Variants in DEAF1 observed in about 807,000 individuals in gnomAD.
DEAF1 encodes the protein deformed epidermal autoregulatory factor 1 homolog.
In DEAF1, 53 loss-of-function variants were observed where a neutral mutation model predicts 58.9. The ratio of observed to expected loss-of-function variants is 0.90; its 90% CI spans 0.72 to 1.13. The LOEUF (loss-of-function observed/expected upper bound fraction) is 1.13, where lower values mean the gene tolerates loss of function less well. Ranked by LOEUF, DEAF1 falls within the 50% of genes most tolerant of loss-of-function variation. DEAF1 has a pLI of 0.00. For synonymous variants in DEAF1, 385 were observed against 340.4 expected (o/e 1.13, Z -1.44); for missense variants, 685 against 791.4 (o/e 0.87, Z 1.61).
At chr11:661,201 G>A (rs1021323789) in intron 10 of DEAF1, among the ~76,000 whole-genome samples, 11 of 152,146 alleles carry the variant, frequency 7.2e-5, no homozygotes, top group Non-Finnish European at 1.2e-4. Flanking sequence ...ACAACAAGCC[G>A]GGGCCAGGGC....
chr11:684,732 C>T (rs1009485744), intron 6 of DEAF1, among the ~76,000 whole-genome samples, 166 bp downstream of exon 6: 8 of 152,090 alleles, frequency 5.3e-5, no homozygotes, highest in Admixed American at 3.9e-4. Flanking sequence ...TTCACTGTGA[C>T]GTATCAGGGA....
intron 1 of DEAF1, among the ~76,000 whole-genome samples, chr11:692,623 C>T (rs1472781864): frequency 6.6e-6 from 1 of 152,160 alleles, no homozygotes; most frequent in Admixed American, 6.5e-5. Flanking sequence ...GATGCCAAGG[C>T]GGGCGGATCA....
intron 7 of DEAF1, among the ~76,000 whole-genome samples, chr11:680,471 A>C (rs985904393): frequency 2.6e-5 from 4 of 152,174 alleles, no homozygotes; most frequent in African/African-American, 4.8e-5. Flanking sequence ...TTAGCTGGGC[A>C]TGGTGGCACG....
chr11:694,844 C>T lies in DEAF1; in HGVS notation c.204G>A (p.Val68=). The T allele has an allele frequency of 6.8e-7, 1 of 1,478,124 alleles. No homozygotes were observed. The highest frequency in any genetic ancestry group is 8.9e-7 in the Non-Finnish European group (1 of 1,118,670). The allele number at this position is 1,478,124 out of a possible 1,614,324, so 91.6% of individuals were successfully genotyped here. Residue 68 remains valine (V), a synonymous_variant, in exon 1 of 12, where the codon GTG becomes GTA. Transcript: ENST00000382409. ...RETPRVTAVA[V]MAAEPGHMDM... is the part of the protein sequence containing the mutation. ...CCATGTGCCCGGGCTCCGCCGCCAT[C>T]ACCGCCACTGCCGTGACCCGCGGCG...
chr11:692,294 A>G (rs1413914571), intron 1 of DEAF1: 1 of 159,324 alleles, frequency 6.3e-6, no homozygotes, highest in Non-Finnish European at 1.4e-5. Context: ...GTCATCCCAG[A>G]TAGGTCCTGC....
At position 680,954 on chromosome 11, in the gene DEAF1, C is replaced by G. The variant is rs1281639286; in HGVS notation, c.997+9G>C. On this transcript the variant is annotated intron_variant, in intron 7 of 11. Coordinates refer to ENST00000382409, the MANE Select transcript of DEAF1 (RefSeq NM_021008.4). ...TCAGTAAACTAGAGCTGTGTTTTCTCAAACTCACAGGTGGTAGCCGCGGTG... is the reference window on the plus strand; with the variant it reads ...TCAGTAAACTAGAGCTGTGTTTTCTGAAACTCACAGGTGGTAGCCGCGGTG... The G allele has an allele frequency of 3.7e-6, 6 of 1,614,032 alleles. No individual in the cohort carries two copies. Among genetic ancestry groups the G allele is most frequent in the Non-Finnish European group, 5.1e-6 (6 of 1,180,040 alleles).
chr11:691,215 C>T (rs557212232), intron 2 of DEAF1, among the ~76,000 whole-genome samples: 4 of 152,366 alleles, frequency 2.6e-5, no homozygotes, highest in South Asian at 2.1e-4. Flanking sequence ...GAACTGTGGC[C>T]GGACAGCAGC....
At chr11:645,775 G>C (rs1344665995) in intron 11 of DEAF1, among the ~76,000 whole-genome samples, 1 of 152,206 alleles carries the variant, frequency 6.6e-6, no homozygotes, top group Admixed American at 6.5e-5. Context: ...CGAGCACCTC[G>C]GAATGGAGCA....
At chr11:674,110 TGGAC>T (rs1431719151) in intron 10 of DEAF1, 1 of 286,152 alleles carries the variant, frequency 3.5e-6, no homozygotes, top group African/African-American at 2.2e-5. Context: ...TGACAGCAGA[TGGAC>T]GGAGCTCGGC....
chr11:665,963 T>C (rs1564933478), intron 10 of DEAF1: 1 of 152,060 alleles, frequency 6.6e-6, no homozygotes, highest in Non-Finnish European at 1.5e-5. Flanking sequence ...CCTGAGCTGA[T>C]GACACAGCAT....
intron 6 of DEAF1, among the ~76,000 whole-genome samples, chr11:681,450 G>A (rs1448501665): frequency 1.4e-5 from 2 of 141,826 alleles, no homozygotes; most frequent in Non-Finnish European, 3.0e-5. Flanking sequence ...TCGCTCTGTT[G>A]CCCAGGCTGG....
intron 1 of DEAF1, chr11:693,779 A>C (rs926574668): frequency 2.0e-5 from 3 of 152,304 alleles, no homozygotes; most frequent in African/African-American, 7.2e-5. Context: ...TTGGAGCCTG[A>C]GAAGGAGACT....
chr11:658,170 T>C (rs1859148129), intron 10 of DEAF1, among the ~76,000 whole-genome samples: 1 of 152,236 alleles, frequency 6.6e-6, no homozygotes, highest in African/African-American at 2.4e-5. Context: ...GGCTCACGCC[T>C]GTAATCCCAG....
intron 10 of DEAF1, among the ~76,000 whole-genome samples, chr11:662,158 A>T (rs1859346008): frequency 1.3e-5 from 2 of 152,190 alleles, no homozygotes; most frequent in South Asian, 4.1e-4. Context: ...GCGCACCTGT[A>T]ATCCCAGCTA....
rs1183518831 is a variant in DEAF1 at position 688,931 on chromosome 11, G to C, written c.388-471C>G. Among the ~76,000 whole-genome samples the C allele has an allele frequency of 6.6e-6, 1 of 152,272 alleles. No individual in the cohort carries two copies. The highest frequency in any genetic ancestry group is 6.5e-5 in the Admixed American group (1 of 15,294). On this transcript the variant is annotated intron_variant, in intron 2 of 11. Coordinates refer to ENST00000382409, the MANE Select transcript of DEAF1 (RefSeq NM_021008.4). This position sits in a 1 kb window ranked among gnomAD's most constrained non-coding sequence, Gnocchi z 4.3. The stretch of plus-strand genomic sequence containing the variant: ...GCTGAAGCTGCTGCAACTGCTGCCT[G>C]CTTCCAAAATCAGCCTTCAGGCGGC...
upstream of DEAF1, chr11:695,932 G>C: frequency 9.6e-7 from 1 of 1,042,856 alleles, no homozygotes. Flanking sequence ...TCCGCTTTCG[G>C]TGCGCTCACG....
intron 8 of DEAF1, among the ~76,000 whole-genome samples, 153 bp from the exon 9 acceptor site, chr11:678,975 T>C (rs919690001): frequency 1.3e-5 from 2 of 152,208 alleles, no homozygotes; most frequent in South Asian, 2.1e-4. Flanking sequence ...TCCTGAATCG[T>C]TGACATAATA....
intron 8 of DEAF1, 84 bp downstream of exon 8, chr11:679,604 T>C (rs1288862965): frequency 1.3e-6 from 2 of 1,593,412 alleles, no homozygotes; most frequent in African/African-American, 2.7e-5. Context: ...CAGCAGCCTA[T>C]GCAGCCCAAT....
In DEAF1 at chr11:695,211, C is replaced by T. The variant is rs936018360; in HGVS notation, c.-164G>A. ...AAGGCAGCCAGCCGCCGAGCAGAGC[C>T]GAGCCGAGTCCGCCCGCGGAGCGGA... On this transcript the variant is annotated 5_prime_UTR_variant, in exon 1 of 12. Coordinates refer to ENST00000382409, the MANE Select transcript of DEAF1 (RefSeq NM_021008.4). The T allele has an allele frequency of 2.5e-5, 15 of 603,596 alleles. No homozygotes were observed. Among genetic ancestry groups the T allele is most frequent in the Non-Finnish European group, 3.2e-5 (13 of 405,592 alleles). 37.4% of individuals were successfully genotyped at this position (603,596 alleles called of 1,614,324 possible).
Sources: allele counts gnomAD v4.1 joint callset (sites outside exome capture counted in the v4.1 genomes callset), GRCh38; gene constraint gnomAD v4.1.1; non-coding constraint Gnocchi (gnomAD v3.1); transcripts MANE v1.5; gene names NCBI Gene and HGNC (gene_info 2026-07-23, HGNC 2026-07-21).